Variants in MCU observed in about 807,000 individuals in gnomAD.
MCU encodes mitochondrial calcium uniporter, also known as calcium uniporter protein, mitochondrial.
In MCU, 12 loss-of-function variants were observed where a neutral mutation model predicts 45.2. The observed-to-expected ratio is 0.27, with a 90% CI of 0.17 to 0.43. MCU has a LOEUF of 0.43. Ranked by LOEUF, MCU falls within the 20% of genes least tolerant of loss-of-function variation. The pLI, the probability that MCU is intolerant of heterozygous loss-of-function variation, is 1.00. For synonymous variants in MCU, 160 were observed against 165.1 expected (o/e 0.97, Z 0.24); for missense variants, 324 against 436.7 (o/e 0.74, Z 2.30).
At chr10:72,871,302 G>C in intron 5 of MCU, 75 bp from the exon 6 acceptor site, 1 of 1,325,810 alleles carries the variant, frequency 7.5e-7, no homozygotes, top group Non-Finnish European at 1.1e-6. Context: ...TGTTTCTTTA[G>C]TGAACATAGA....
chr10:72,733,436 G>A (rs921094034), intron 1 of MCU, among the ~76,000 whole-genome samples: 5 of 152,110 alleles, frequency 3.3e-5, no homozygotes, highest in African/African-American at 9.7e-5. Context: ...CAGCCTGGGC[G>A]ACAGGGTGAG....
At position 72,777,282 on chromosome 10, in the gene MCU, AC is replaced by A. The variant is rs1216413040; in HGVS notation, c.151-57075del. Among the ~76,000 whole-genome samples the A allele has an allele frequency of 5.3e-5, 8 of 152,280 alleles. No homozygotes were observed. The East Asian group carries it at 1.5e-3, about 29-fold the overall frequency. ...CAAAAAGAGCAAAGCTGGAGACACTACCTGACATCAAAATTTACTCTAAAGC... is the reference window on the plus strand; with the variant it reads ...CAAAAAGAGCAAAGCTGGAGACACTACTGACATCAAAATTTACTCTAAAGC... On this transcript the variant is annotated intron_variant, in intron 1 of 7. Transcript: ENST00000373053.
intron 1 of MCU, among the ~76,000 whole-genome samples, chr10:72,740,926 A>G (rs1843319475): frequency 6.6e-6 from 1 of 152,216 alleles, no homozygotes; most frequent in Non-Finnish European, 1.5e-5. Context: ...TGTTTAACGT[A>G]ATATAGGCTT....
chr10:72,833,139 G>A (rs924154533), intron 1 of MCU, among the ~76,000 whole-genome samples: 5 of 152,114 alleles, frequency 3.3e-5, no homozygotes, highest in Non-Finnish European at 7.4e-5. Flanking sequence ...TTCAGAAGTA[G>A]ATCCAAATTC....
At chr10:72,698,347 A>G (rs1842715239) in intron 1 of MCU, among the ~76,000 whole-genome samples, 1 of 152,202 alleles carries the variant, frequency 6.6e-6, no homozygotes, top group Admixed American at 6.5e-5. Context: ...GTAGCCCTAA[A>G]ACAAAAAATG....
intron 1 of MCU, among the ~76,000 whole-genome samples, chr10:72,734,481 TTA>T (rs1375605303): frequency 6.6e-6 from 1 of 152,244 alleles, no homozygotes; most frequent in African/African-American, 2.4e-5. Context: ...CTAGTTAAAA[TTA>T]TATATGTGGC....
chr10:72,799,077 C>G (rs1589466184), intron 1 of MCU, among the ~76,000 whole-genome samples: 1 of 152,096 alleles, frequency 6.6e-6, no homozygotes, highest in African/African-American at 2.4e-5. Context: ...TAGGCGCCCG[C>G]CACCACGCCC....
intron 1 of MCU, among the ~76,000 whole-genome samples, chr10:72,791,266 C>T (rs1369050346): frequency 6.6e-6 from 1 of 152,188 alleles, no homozygotes; most frequent in Non-Finnish European, 1.5e-5. Flanking sequence ...ATGTATGAAG[C>T]TCAGCTGCTG....
intron 6 of MCU, among the ~76,000 whole-genome samples, chr10:72,882,891 TC>T (rs562028957): frequency 5.3e-5 from 8 of 152,012 alleles, no homozygotes; most frequent in South Asian, 2.1e-4. Flanking sequence ...ACATGTGATG[TC>T]CCCCCCGGAT....
chr10:72,830,210 G>A (rs1367092900), intron 1 of MCU, among the ~76,000 whole-genome samples: 1 of 152,272 alleles, frequency 6.6e-6, no homozygotes, highest in South Asian at 2.1e-4. Context: ...AAATGAATGA[G>A]CTTTGTTATG....
At chr10:72,739,259 G>A (rs1490556492) in intron 1 of MCU, among the ~76,000 whole-genome samples, 2 of 152,116 alleles carry the variant, frequency 1.3e-5, no homozygotes, top group African/African-American at 4.8e-5. Flanking sequence ...TTACTGTGAA[G>A]TTCATATATT....
At chr10:72,853,262 A>C (rs1270536946) in intron 2 of MCU, among the ~76,000 whole-genome samples, 1 of 152,214 alleles carries the variant, frequency 6.6e-6, no homozygotes, top group Non-Finnish European at 1.5e-5. Flanking sequence ...CCTTATGCTC[A>C]TAGAGAAAAG....
In MCU at chr10:72,706,045, A is replaced by G. The variant is rs192265448; in HGVS notation, c.150+13744A>G. Among the ~76,000 whole-genome samples the G allele has an allele frequency of 5.3e-5, 8 of 152,310 alleles. No homozygotes were observed. In the East Asian group the frequency reaches 1.5e-3, roughly 29 times the overall value. ...ATTGTATTCTCTGAAGCTTTGTGCT[A>G]TAACTGAATTTTATGTTTGTTAATT... On this transcript the variant is annotated intron_variant, in intron 1 of 7. Transcript: ENST00000373053.
intron 1 of MCU, among the ~76,000 whole-genome samples, chr10:72,834,081 A>G (rs375573668): frequency 1.1e-4 from 16 of 152,224 alleles, no homozygotes; most frequent in Admixed American, 8.5e-4. Flanking sequence ...CATGATTTGT[A>G]TAATTCTAAT....
chr10:72,724,981 A>G (rs1843076355), intron 1 of MCU, among the ~76,000 whole-genome samples: 1 of 152,174 alleles, frequency 6.6e-6, no homozygotes, highest in Non-Finnish European at 1.5e-5. Context: ...TTTTTTTGAA[A>G]CAAGGTCTCA....
chr10:72,729,103 G>A (rs972481529), intron 1 of MCU, among the ~76,000 whole-genome samples: 3 of 152,128 alleles, frequency 2.0e-5, no homozygotes, highest in Non-Finnish European at 2.9e-5. Context: ...AATACCAAAA[G>A]GCTCTAAACC....
chr10:72,692,300 C>G lies in MCU; in HGVS notation c.149C>G (p.Thr50Arg). ...CACCGGCAGCAGCAGCACCACCGGA[C>G]GGTGAGCGAGCGCGCCCGGAGGCTC... is the stretch of plus-strand genomic sequence containing the variant. ...SRHRQQQHHR[T>R]VHQRIASWQN... Residue 50 changes from threonine to arginine, a missense_variant and splice_region_variant, in exon 1 of 8, where the codon ACG (threonine) becomes AGG (arginine). Physicochemically the swap from Thr to Arg is moderately conservative, Grantham distance 71. Transcript: ENST00000373053. 8.2e-7 allele frequency: 1 copy of G among 1,217,968 alleles called. No homozygotes were observed. The allele number at this position is 1,217,968 out of a possible 1,614,324, so 75.4% of individuals were successfully genotyped here.
intron 1 of MCU, among the ~76,000 whole-genome samples, chr10:72,791,117 C>T (rs1259959479): frequency 6.6e-6 from 1 of 152,158 alleles, no homozygotes; most frequent in African/African-American, 2.4e-5. Context: ...ATCATCTTCT[C>T]ATTGTTAAGA....
At chr10:72,738,329 A>G (rs1843279373) in intron 1 of MCU, among the ~76,000 whole-genome samples, 2 of 152,210 alleles carry the variant, frequency 1.3e-5, no homozygotes, top group Admixed American at 1.3e-4. Context: ...AGAGCCAATC[A>G]TGGTATAGCA....
Sources: allele counts gnomAD v4.1 joint callset (sites outside exome capture counted in the v4.1 genomes callset), GRCh38; gene constraint gnomAD v4.1.1; transcripts MANE v1.5; gene names NCBI Gene and HGNC (gene_info 2026-07-23, HGNC 2026-07-21).